CBLB: variants seen among roughly 807,000 people sequenced by gnomAD.
CBLB encodes the protein Cbl proto-oncogene B, also known as E3 ubiquitin-protein ligase CBL-B.
CBLB carries 31 observed loss-of-function variants against 104.9 expected under a neutral mutation model. The ratio of observed to expected loss-of-function variants is 0.30; its 90% CI spans 0.22 to 0.40. CBLB has a LOEUF of 0.40. Among genes scored for constraint, CBLB ranks in the 10% least tolerant of loss-of-function variants. The pLI is 1.00. For synonymous variants in CBLB, 440 were observed against 422.6 expected, an observed-to-expected ratio of 1.04 and a Z score of -0.51; for missense variants, 1,062 against 1,214.6, an observed-to-expected ratio of 0.87 and a Z score of 1.87.
rs1485074587 is a variant in CBLB at position 105,670,296 on chromosome 3, G to A, written c.2626C>T (p.Pro876Ser). The A allele has an allele frequency of 6.2e-6, 10 of 1,610,550 alleles. No homozygotes were observed. Among genetic ancestry groups the A allele is most frequent in the Non-Finnish European group, 8.5e-6 (10 of 1,177,082 alleles). Residue 876 changes from proline (P) to serine (S), a missense_variant, in exon 18 of 19, where the codon CCA becomes TCA. This residue lies in a region of CBLB where 605 missense variants were observed against 582.6 expected (regional missense o/e 1.04). Transcript: ENST00000394030. ...QVPLPPARRL[P>S]GENVKTNRTS... Reference sequence around the variant, plus strand: ...CTGTTAGTTTTGACATTTTCACCTGGTAACCTTCTAGCAGGAGGCAAAGGA... The same window carrying A: ...CTGTTAGTTTTGACATTTTCACCTGATAACCTTCTAGCAGGAGGCAAAGGA...
At chr3:105,809,667 T>C (rs527414948) in intron 3 of CBLB, among the ~76,000 whole-genome samples, 1 of 152,270 alleles carries the variant, frequency 6.6e-6, no homozygotes, top group South Asian at 2.1e-4. Context: ...GAGAAAGAAA[T>C]ATGTATAAAC....
intron 16 of CBLB, among the ~76,000 whole-genome samples, chr3:105,679,328 T>C (rs1238631741): frequency 8.0e-6 from 1 of 125,122 alleles, no homozygotes; most frequent in African/African-American, 3.2e-5. Flanking sequence ...TTCATTACCT[T>C]GAGTCTTTAA....
At position 105,720,153 on chromosome 3, in the gene CBLB, C is replaced by T; in HGVS notation, c.1301G>A (p.Arg434Lys). The T allele has an allele frequency of 1.2e-6, 2 of 1,613,892 alleles. No individual in the cohort carries two copies. Among genetic ancestry groups the T allele is most frequent in the Non-Finnish European group, 1.7e-6 (2 of 1,179,872 alleles). The stretch of plus-strand genomic sequence containing the variant: ...AAAGGGGTCAATGATGCTGCAACAC[C>T]TGGAGCCTTCATCTCTTGGATCAAA... ...DPFDPRDEGSRCCSIIDPFGM... is the reference protein window; with the variant it reads ...DPFDPRDEGSKCCSIIDPFGM... Residue 434 changes from arginine to lysine, a missense_variant, in exon 10 of 19, where the codon AGG becomes AAG. Around this residue, in one of 2 missense-constraint regions of CBLB, gnomAD observed 457 missense variants for 632.0 expected, o/e 0.72. Transcript: ENST00000394030.
chr3:105,737,225 A>G lies in CBLB; in HGVS notation c.1017T>C (p.Pro339=). 1 of 1,589,426 alleles carries G rather than the reference A, an allele frequency of 6.3e-7. No individual in the cohort carries two copies. The highest frequency in any genetic ancestry group is 8.6e-7 in the Non-Finnish European group (1 of 1,159,660). ...TAGGTTCACATAATCCAGTTAAATCAGGATTATAACTCCTCCCATCAGGAT... is the reference window on the plus strand; with the variant it reads ...TAGGTTCACATAATCCAGTTAAATCGGGATTATAACTCCTCCCATCAGGAT... ...YLYPDGRSYN[P]DLTGLCEPTP... is the part of the protein sequence containing the mutation. The change falls in exon 8 of 19, where the codon CCT becomes CCC. Residue 339 remains proline, a synonymous_variant. Coordinates refer to ENST00000394030, the MANE Select transcript of CBLB (RefSeq NM_170662.5).
At chr3:105,844,375 T>C (rs2089974806) in intron 3 of CBLB, among the ~76,000 whole-genome samples, 1 of 152,172 alleles carries the variant, frequency 6.6e-6, no homozygotes, top group Admixed American at 6.5e-5. Flanking sequence ...TATGTGAAAG[T>C]GGTATATTAT....
intron 3 of CBLB, among the ~76,000 whole-genome samples, chr3:105,830,019 T>G (rs4894955): frequency 0.44 from 66,657 of 151,984 alleles, 14,803 homozygotes; most frequent in Admixed American, 0.48. Context: ...TCACTAGAAT[T>G]CTTACTCTGG....
At chr3:105,841,033 C>T (rs1577728873) in intron 3 of CBLB, among the ~76,000 whole-genome samples, 1 of 152,076 alleles carries the variant, frequency 6.6e-6, no homozygotes, top group East Asian at 1.9e-4. Context: ...GTGGCTCATG[C>T]CTGTAAGCCC....
In CBLB at chr3:105,735,529, T is replaced by C. The variant is rs534120587; in HGVS notation, c.1072-1389A>G. Among the ~76,000 whole-genome samples, 3 of 152,324 alleles carry C rather than the reference T, an allele frequency of 2.0e-5. No individual in the cohort carries two copies. The South Asian group carries it at 6.2e-4, about 32-fold the overall frequency. On this transcript the variant is annotated intron_variant, in intron 8 of 18. Coordinates refer to ENST00000394030, the MANE Select transcript of CBLB (RefSeq NM_170662.5). ...GAGTAATTTAAGGGGATGTTATTAC[T>C]TCCAAAGATTTATTTTTTTAATGGC...
chr3:105,739,843 G>A (rs945670699), intron 7 of CBLB, among the ~76,000 whole-genome samples: 2 of 152,182 alleles, frequency 1.3e-5, no homozygotes, highest in Non-Finnish European at 2.9e-5. Flanking sequence ...AGTGGCTCAT[G>A]CCTGTAATCC....
chr3:105,816,051 C>T (rs1254872334), intron 3 of CBLB, among the ~76,000 whole-genome samples: 2 of 151,724 alleles, frequency 1.3e-5, no homozygotes, highest in East Asian at 1.9e-4. Context: ...TGGGGCCTGT[C>T]GGGAGGTAGG....
chr3:105,802,928 C>T (rs1002368952), intron 3 of CBLB, among the ~76,000 whole-genome samples: 11 of 152,010 alleles, frequency 7.2e-5, no homozygotes, highest in Admixed American at 2.0e-4. Context: ...TCCATTACAC[C>T]AGTGTAATTT....
chr3:105,833,352 G>A (rs141322329), intron 3 of CBLB, among the ~76,000 whole-genome samples: 2,341 of 152,222 alleles, frequency 0.015, 32 homozygotes, highest in Middle Eastern at 0.027. Context: ...TCCTGCTTCA[G>A]GCAGAATAGT....
At chr3:105,771,436 G>A (rs1406974023) in intron 4 of CBLB, among the ~76,000 whole-genome samples, 2 of 151,962 alleles carry the variant, frequency 1.3e-5, no homozygotes, top group African/African-American at 4.8e-5. Flanking sequence ...ATACTGAATG[G>A]CAAAAAGTTG....
At chr3:105,716,139 A>C (rs2071827197) in intron 10 of CBLB, among the ~76,000 whole-genome samples, 1 of 152,242 alleles carries the variant, frequency 6.6e-6, no homozygotes, top group African/African-American at 2.4e-5. Context: ...TAAAAAACAG[A>C]GGAAGAACAT....
At chr3:105,780,666 T>TTTTTTTTTTTTTTTTTTG (rs2080125719) in intron 3 of CBLB, among the ~76,000 whole-genome samples, 1 of 122,766 alleles carries the variant, frequency 8.1e-6, no homozygotes, top group African/African-American at 3.0e-5. Context: ...TTTTGTTTTT[T>TTTTTTTTTTTTTTTTTTG]TTTTTTTTTT....
chr3:105,671,223 A>G (rs1355397403), intron 17 of CBLB: 3 of 201,726 alleles, frequency 1.5e-5, no homozygotes, highest in Non-Finnish European at 3.1e-5. Flanking sequence ...GACAAACATT[A>G]CATCTGAAAA....
intron 3 of CBLB, among the ~76,000 whole-genome samples, chr3:105,778,798 T>A (rs1430912067): frequency 2.6e-5 from 4 of 152,240 alleles, no homozygotes; most frequent in African/African-American, 9.6e-5. Flanking sequence ...GATATCAATA[T>A]GATTTTGTCA....
At chr3:105,727,099 C>G (rs1005460173) in intron 9 of CBLB, among the ~76,000 whole-genome samples, 13 of 152,196 alleles carry the variant, frequency 8.5e-5, no homozygotes, top group Admixed American at 2.0e-4. Flanking sequence ...AATGGTATTT[C>G]TGACTCTAGA....
rs542470264 is a variant in CBLB, at chr3:105,804,596, T to G, written c.420-28054A>C. Among the ~76,000 whole-genome samples, 6 of 152,260 alleles carry G rather than the reference T, an allele frequency of 3.9e-5. No individual in the cohort carries two copies. The East Asian group carries it at 1.2e-3, about 29-fold the overall frequency. ...CATCCTGACATAATATTTTAAATAT[T>G]TTAGGTTACATAAAATAGATTGTTA... On this transcript the variant is annotated intron_variant, in intron 3 of 18. Coordinates refer to ENST00000394030, the MANE Select transcript of CBLB (RefSeq NM_170662.5).
Sources: gnomAD v4.1 joint callset for allele counts (sites outside exome capture counted in the v4.1 genomes callset) on GRCh38, gnomAD v4.1.1 for gene constraint, gnomAD v4.1.1 regional missense constraint, MANE v1.5 for transcripts, NCBI Gene and HGNC (gene_info 2026-07-23, HGNC 2026-07-21) for gene names.